OR7C1: variants seen among roughly 807,000 people sequenced by gnomAD.
OR7C1 encodes olfactory receptor family 7 subfamily C member 1.
For missense variants in OR7C1, 324 were observed against 383.3 expected (o/e 0.85, Z 1.29); for synonymous variants, 152 against 160.7 (o/e 0.95, Z 0.41).
chr19:14,811,266 G>A (rs1442321242), intron 1 of OR7C1, among the ~76,000 whole-genome samples: 4 of 151,838 alleles, frequency 2.6e-5, no homozygotes, highest in Non-Finnish European at 5.9e-5. Flanking sequence ...GGTGCAAGAA[G>A]GGCCAGGCTT....
At chr19:14,803,982 TA>T (rs1460586991) in intron 2 of OR7C1, among the ~76,000 whole-genome samples, 1 of 152,152 alleles carries the variant, frequency 6.6e-6, no homozygotes, top group Non-Finnish European at 1.5e-5. Context: ...GTGCTGGGAT[TA>T]CAGGCGTGAA....
chr19:14,815,843 A>G (rs2044713986), intron 1 of OR7C1, among the ~76,000 whole-genome samples: 1 of 150,882 alleles, frequency 6.6e-6, no homozygotes. Flanking sequence ...GTGTGTTGAG[A>G]CAAGGTCTTG....
At chr19:14,818,609 G>A (rs150521254) in intron 1 of OR7C1, among the ~76,000 whole-genome samples, 5 of 152,266 alleles carry the variant, frequency 3.3e-5, no homozygotes, top group African/African-American at 1.2e-4. Flanking sequence ...TAGCGAGTTT[G>A]CAGTGTTTTC....
At chr19:14,830,276 A>G (rs971020929) in intron 1 of OR7C1, among the ~76,000 whole-genome samples, 2 of 152,232 alleles carry the variant, frequency 1.3e-5, no homozygotes, top group African/African-American at 4.8e-5. Context: ...CCATTTTGGT[A>G]TGACTGTTTT....
intron 1 of OR7C1, among the ~76,000 whole-genome samples, chr19:14,818,062 T>TTTTA (rs372783648): frequency 0.2 from 27,871 of 139,270 alleles, 2,861 homozygotes; most frequent in South Asian, 0.28. Context: ...ATTTTATTTA[T>TTTTA]TTTATTTATT....
chr19:14,822,542 G>GC (rs376210714), intron 1 of OR7C1, among the ~76,000 whole-genome samples: 12 of 151,766 alleles, frequency 7.9e-5, no homozygotes, highest in African/African-American at 2.9e-4. Context: ...CCGCCACTGC[G>GC]CCGGCTAATT....
chr19:14,828,451 A>G (rs1220882337), intron 1 of OR7C1, among the ~76,000 whole-genome samples: 3 of 152,190 alleles, frequency 2.0e-5, no homozygotes, highest in Non-Finnish European at 4.4e-5. Flanking sequence ...AAGACAGCGT[A>G]CATTCTGCAG....
At chr19:14,827,706 C>T (rs2044785066) in intron 1 of OR7C1, 4 of 1,614,000 alleles carry the variant, frequency 2.5e-6, no homozygotes, top group Admixed American at 3.3e-5. Context: ...ATTAAGTTCA[C>T]AGAAAAAGTG....
At chr19:14,817,458 C>T (rs1158423061) in intron 1 of OR7C1, among the ~76,000 whole-genome samples, 2 of 152,192 alleles carry the variant, frequency 1.3e-5, no homozygotes, top group African/African-American at 2.4e-5. Flanking sequence ...CCTGCTGTCT[C>T]GTCTGGGGAC....
At chr19:14,807,097 T>A (rs1297098033) in intron 2 of OR7C1, among the ~76,000 whole-genome samples, 1 of 152,004 alleles carries the variant, frequency 6.6e-6, no homozygotes, top group East Asian at 1.9e-4. Flanking sequence ...TGAGATGGTA[T>A]CTCATTGTGG....
At chr19:14,814,856 G>T (rs2044708999) in intron 1 of OR7C1, among the ~76,000 whole-genome samples, 1 of 152,118 alleles carries the variant, frequency 6.6e-6, no homozygotes, top group African/African-American at 2.4e-5. Flanking sequence ...CCTTTTCATG[G>T]TTCACTACAC....
At chr19:14,822,545 G>A (rs186572982) in intron 1 of OR7C1, among the ~76,000 whole-genome samples, 30 of 151,630 alleles carry the variant, frequency 2.0e-4, no homozygotes, top group African/African-American at 6.0e-4. Context: ...CCACTGCGCC[G>A]GCTAATTTTT....
chr19:14,816,190 A>C (rs1172201835), intron 1 of OR7C1, among the ~76,000 whole-genome samples: 1 of 152,164 alleles, frequency 6.6e-6, no homozygotes, highest in Non-Finnish European at 1.5e-5. Context: ...TATATCTACT[A>C]TATACCCACA....
chr19:14,807,895 C>CAA (rs371693293), intron 2 of OR7C1, among the ~76,000 whole-genome samples: 3,513 of 136,198 alleles, frequency 0.026, 190 homozygotes, highest in African/African-American at 0.089. Flanking sequence ...GACTCAGTCT[C>CAA]AAAAAAAAAA....
intron 1 of OR7C1, among the ~76,000 whole-genome samples, chr19:14,817,143 G>A (rs1360671455): frequency 6.6e-6 from 1 of 152,120 alleles, no homozygotes; most frequent in Non-Finnish European, 1.5e-5. Flanking sequence ...CCCAAAAGTA[G>A]GCTAGCTAAT....
At chr19:14,833,146 C>G (rs527499349) in intron 1 of OR7C1, among the ~76,000 whole-genome samples, 42 of 152,252 alleles carry the variant, frequency 2.8e-4, no homozygotes, top group African/African-American at 9.9e-4. Flanking sequence ...AAATTGGTCA[C>G]CTACCTCACA....
chr19:14,803,972 G>A lies in OR7C1; in HGVS notation c.-434-3208C>T, dbSNP rs111718434. Among the ~76,000 whole-genome samples, 708 of 152,196 alleles carry A rather than the reference G, an allele frequency of 4.7e-3. 6 individuals are homozygous for A. The highest frequency in any genetic ancestry group is 0.016 in the African/African-American group (666 of 41,514). The stretch of plus-strand genomic sequence containing the variant: ...GATCCACCTGCCTCGGCCTCCGAAA[G>A]TGCTGGGATTACAGGCGTGAACCAC... On this transcript the variant is annotated intron_variant, in intron 2 of 4. Coordinates refer to ENST00000641666, the Ensembl canonical transcript of OR7C1.
chr19:14,813,248 T>C (rs1161842875), intron 1 of OR7C1, among the ~76,000 whole-genome samples: 1 of 151,750 alleles, frequency 6.6e-6, no homozygotes, highest in Non-Finnish European at 1.5e-5. Flanking sequence ...TAGTCCATTT[T>C]CATACTGCTA....
At position 14,816,538 on chromosome 19, in the gene OR7C1, G is replaced by A. The variant is rs2044717110; in HGVS notation, c.-622-6545C>T. The stretch of plus-strand genomic sequence containing the variant: ...CAGACCTCAAGTTCTTCAGCTTTTG[G>A]ACTCTTGGACTTACAGCAGTGGTTT... On this transcript the variant is annotated intron_variant, in intron 1 of 4. Transcript: ENST00000641666. Among the ~76,000 whole-genome samples the A allele has an allele frequency of 2.0e-5, 3 of 152,142 alleles. No homozygotes were observed. In the South Asian group the frequency reaches 6.2e-4, roughly 32 times the overall value.
Sources: gnomAD v4.1 joint callset for allele counts (sites outside exome capture counted in the v4.1 genomes callset) on GRCh38, gnomAD v4.1.1 for gene constraint, MANE v1.5 for transcripts, NCBI Gene and HGNC (gene_info 2026-07-23, HGNC 2026-07-21) for gene names.